WIPF1: variants seen among roughly 807,000 people sequenced by gnomAD.
The protein encoded by WIPF1 is WAS/WASL interacting protein family member 1, also known as WAS/WASL-interacting protein family member 1.
Under a neutral mutation model 35.4 loss-of-function variants are expected in WIPF1, and 13 were observed. That is an observed-to-expected ratio of 0.37 (90% confidence interval 0.24 to 0.58). The LOEUF (loss-of-function observed/expected upper bound fraction) is 0.58. Ranked by LOEUF, WIPF1 falls within the 20% of genes least tolerant of loss-of-function variation. The pLI, the probability that WIPF1 is intolerant of heterozygous loss-of-function variation, is 0.74. For synonymous variants in WIPF1, 267 were observed against 266.3 expected, an observed-to-expected ratio of 1.00 and a Z score of -0.02; for missense variants, 591 against 667.0, an observed-to-expected ratio of 0.89 and a Z score of 1.25.
At position 174,562,562 on chromosome 2, in the gene WIPF1, A is replaced by T. The variant is rs749710168; in HGVS notation, c.1497T>A (p.Pro499=). The T allele has an allele frequency of 4.3e-6, 7 of 1,614,072 alleles. No homozygotes were observed. Among genetic ancestry groups the T allele is most frequent in the Non-Finnish European group, 5.9e-6 (7 of 1,180,022 alleles). ...CAGGCAAAGATCACCTCGGGATGGG[A>T]GGGAGTGGTGGAGCACCCCTTTCTC... ...NRRERGAPPL[P]PIPR is the part of the protein sequence containing the mutation. The change falls in exon 8 of 8, where the codon CCT becomes CCA. Residue 499 remains proline (P), a synonymous_variant. Coordinates refer to ENST00000679041, the MANE Select transcript of WIPF1 (RefSeq NM_001375834.1).
At chr2:174,607,429 T>C (rs1559159529) in intron 1 of WIPF1, among the ~76,000 whole-genome samples, 2 of 151,852 alleles carry the variant, frequency 1.3e-5, no homozygotes, top group Admixed American at 6.6e-5. Flanking sequence ...AATAAAGAAG[T>C]CCCACCTCTG....
chr2:174,651,556 C>A (rs1251682791), intron 1 of WIPF1, among the ~76,000 whole-genome samples: 8 of 152,190 alleles, frequency 5.3e-5, no homozygotes, highest in African/African-American at 1.7e-4. Context: ...GGTTAGCGAA[C>A]TCCCCAATGT....
chr2:174,586,954 C>G (rs1685445571), intron 1 of WIPF1, among the ~76,000 whole-genome samples: 1 of 152,218 alleles, frequency 6.6e-6, no homozygotes, highest in South Asian at 2.1e-4. Flanking sequence ...ATTATTTCTA[C>G]AGGACATGTG....
chr2:174,678,021 G>C (rs1430823388), intron 1 of WIPF1, among the ~76,000 whole-genome samples: 1 of 151,990 alleles, frequency 6.6e-6, no homozygotes, highest in African/African-American at 2.4e-5. Context: ...TACCTCTCAG[G>C]GTAAGTGAAT....
intron 1 of WIPF1, among the ~76,000 whole-genome samples, chr2:174,671,404 T>A (rs936463063): frequency 4.6e-5 from 7 of 152,182 alleles, no homozygotes; most frequent in African/African-American, 1.7e-4. Flanking sequence ...ATGATTGCAT[T>A]AACTGCACCA....
intron 1 of WIPF1, among the ~76,000 whole-genome samples, chr2:174,631,302 A>G (rs185234552): frequency 3.5e-3 from 530 of 152,364 alleles, no homozygotes; most frequent in Non-Finnish European, 6.2e-3. Context: ...GGAATGTTTG[A>G]CACGTGCTAA....
chr2:174,572,931 G>A (rs2105809285), intron 4 of WIPF1, among the ~76,000 whole-genome samples: 1 of 152,188 alleles, frequency 6.6e-6, no homozygotes, highest in East Asian at 1.9e-4. Context: ...GGCTTATCTA[G>A]TCCCTATGAA....
rs66562213 is a variant in WIPF1 at position 174,576,230 on chromosome 2, C to CAAAAAAAAA, written c.182-859_182-851dup. 1.4e-3 allele frequency among the ~76,000 whole-genome samples: 137 copies of CAAAAAAAAA among 98,904 alleles called. 4 individuals carry two copies. The highest frequency in any genetic ancestry group is 5.7e-3 in the African/African-American group (130 of 22,934). The allele number at this position is 98,904 out of a possible 152,430, so 64.9% of individuals were successfully genotyped here. A position where few individuals can be genotyped will look rare whatever the true frequency, so the allele number is the denominator to read the frequency against. On this transcript the variant is annotated intron_variant, in intron 3 of 7. Coordinates refer to ENST00000679041, the MANE Select transcript of WIPF1 (RefSeq NM_001375834.1). ...CTATGATTGCACCACTGCACTCCAG[C>CAAAAAAAAA]AAAAAAAAAAAAAAAAAAACACTAA...
chr2:174,652,888 C>T (rs556792421), intron 1 of WIPF1, among the ~76,000 whole-genome samples: 3 of 151,722 alleles, frequency 2.0e-5, no homozygotes, highest in South Asian at 4.2e-4. Flanking sequence ...GCGGGTATTT[C>T]CTAGATTTAT....
intron 1 of WIPF1, among the ~76,000 whole-genome samples, chr2:174,604,675 T>C (rs920732011): frequency 1.1e-4 from 17 of 152,342 alleles, no homozygotes; most frequent in Admixed American, 3.9e-4. Context: ...TGCATGGAGA[T>C]AGTCCGAAGA....
intron 1 of WIPF1, among the ~76,000 whole-genome samples, chr2:174,606,055 T>G (rs930355691): frequency 2.0e-5 from 3 of 152,160 alleles, no homozygotes; most frequent in Non-Finnish European, 4.4e-5. Flanking sequence ...AAAGAACAAG[T>G]GGTTCTTCCC....
At chr2:174,583,685 G>C (rs1324591961) in intron 2 of WIPF1, among the ~76,000 whole-genome samples, 1 of 152,074 alleles carries the variant, frequency 6.6e-6, no homozygotes, top group Non-Finnish European at 1.5e-5. Flanking sequence ...TACCACCTGT[G>C]TTATTTATTT....
intron 2 of WIPF1, among the ~76,000 whole-genome samples, chr2:174,584,285 GA>G (rs1156772587): frequency 6.6e-6 from 1 of 152,144 alleles, no homozygotes; most frequent in Non-Finnish European, 1.5e-5. Context: ...TCACTTTGGG[GA>G]CTCTTAAAAA....
chr2:174,658,846 A>G (rs1687699142), intron 1 of WIPF1, among the ~76,000 whole-genome samples: 1 of 151,988 alleles, frequency 6.6e-6, no homozygotes, highest in Non-Finnish European at 1.5e-5. Context: ...AAACATACAC[A>G]AAATGAAAAC....
intron 1 of WIPF1, among the ~76,000 whole-genome samples, chr2:174,647,114 T>C (rs1431304521): frequency 1.3e-5 from 2 of 152,140 alleles, no homozygotes; most frequent in Non-Finnish European, 2.9e-5. Flanking sequence ...TATTTGTGTC[T>C]GATCAAAAGT....
At chr2:174,671,101 T>C (rs866583899) in intron 1 of WIPF1, among the ~76,000 whole-genome samples, 77 of 152,200 alleles carry the variant, frequency 5.1e-4, no homozygotes, top group African/African-American at 1.7e-3. Flanking sequence ...CTGTGTGTGA[T>C]AGATTGTTGC....
chr2:174,677,465 A>T (rs188299037), intron 1 of WIPF1, among the ~76,000 whole-genome samples: 1 of 152,342 alleles, frequency 6.6e-6, no homozygotes, highest in Admixed American at 6.5e-5. Context: ...GCAATACAGG[A>T]TAGGGTGAAT....
intron 1 of WIPF1, among the ~76,000 whole-genome samples, chr2:174,676,130 T>C (rs1252126632): frequency 6.6e-6 from 1 of 151,204 alleles, no homozygotes; most frequent in Non-Finnish European, 1.5e-5. Context: ...TTTTTTCTTT[T>C]TGGTATTTTT....
intron 7 of WIPF1, among the ~76,000 whole-genome samples, chr2:174,565,815 C>T (rs913430994): frequency 1.3e-5 from 2 of 152,284 alleles, no homozygotes; most frequent in Non-Finnish European, 2.9e-5. Flanking sequence ...AAGGCTGCCA[C>T]GAACCTCAGC....
Sources: gnomAD v4.1 joint callset for allele counts (sites outside exome capture counted in the v4.1 genomes callset) on GRCh38, gnomAD v4.1.1 for gene constraint, MANE v1.5 for transcripts, NCBI Gene and HGNC (gene_info 2026-07-23, HGNC 2026-07-21) for gene names.